The following SHTN1 variants were observed in gnomAD, a reference collection of about 807,000 sequenced individuals.
SHTN1 encodes shootin 1, also known as shootin-1.
A neutral mutation model predicts 83.1 loss-of-function variants in SHTN1; 42 were observed. That is an observed-to-expected ratio of 0.51 (90% CI 0.39 to 0.65). The LOEUF is 0.65. Among genes scored for constraint, SHTN1 ranks in the 30% least tolerant of loss-of-function variants. The probability of loss-of-function intolerance (pLI) is 0.00; values close to 1 mark genes in which losing one functional copy is unlikely to be tolerated. For synonymous variants in SHTN1, 224 were observed against 247.7 expected (o/e 0.90, Z 0.90); for missense variants, 622 against 737.8 (o/e 0.84, Z 1.82).
At chr10:116,918,808 G>A (rs1354447097) in intron 12 of SHTN1, among the ~76,000 whole-genome samples, 1 of 152,178 alleles carries the variant, frequency 6.6e-6, no homozygotes, top group Non-Finnish European at 1.5e-5. Flanking sequence ...GCACGGCGAA[G>A]TAAGAAAAGA....
chr10:117,114,843 G>A (rs374701872), intron 1 of SHTN1, among the ~76,000 whole-genome samples: 3 of 152,186 alleles, frequency 2.0e-5, no homozygotes, highest in Non-Finnish European at 2.9e-5. Flanking sequence ...TCTGCACACT[G>A]TAATTCTTCC....
At chr10:116,970,507 A>C (rs1850577761) in intron 2 of SHTN1, among the ~76,000 whole-genome samples, 1 of 152,178 alleles carries the variant, frequency 6.6e-6, no homozygotes, top group East Asian at 1.9e-4. Context: ...TGAGGTCAAG[A>C]GATCGAGACC....
chr10:117,072,859 G>A (rs1853103712), intron 1 of SHTN1, among the ~76,000 whole-genome samples: 1 of 152,010 alleles, frequency 6.6e-6, no homozygotes, highest in African/African-American at 2.4e-5. Context: ...AAACCAAGAA[G>A]AAATCCCTGA....
At chr10:116,900,356 G>T in intron 16 of SHTN1, 1 of 604,266 alleles carries the variant, frequency 1.7e-6, no homozygotes, top group Non-Finnish European at 2.9e-6. Context: ...TGCCTTTATG[G>T]CATCTAACAA....
chr10:116,982,928 A>T (rs1189609065), intron 1 of SHTN1, among the ~76,000 whole-genome samples: 2 of 151,676 alleles, frequency 1.3e-5, no homozygotes, highest in African/African-American at 4.9e-5. Flanking sequence ...ATACCACTGC[A>T]CTCCAGCCTG....
chr10:117,002,828 A>T lies in SHTN1; in HGVS notation c.58+2194T>A, dbSNP rs1331136937. Among the ~76,000 whole-genome samples, 3 of 152,238 alleles carry T rather than the reference A, an allele frequency of 2.0e-5. No individual in the cohort carries two copies. The East Asian group carries it at 5.8e-4, about 29-fold the overall frequency. ...CACTATCCCCAAAAGTGTACCTTTT[A>T]AGAAACACAACTTTGAATATCTAAC... On this transcript the variant is annotated intron_variant, in intron 1 of 16. Transcript: ENST00000355371.
Position 116,881,723 on chromosome 10 carries a change from G to A in SHTN1, c.*4621C>T. Reference sequence around the variant, plus strand: ...ACCATCAGTATTAGTAGACCGGGAGGTCTGAAGTACGGCGCCGTGTCTCCA... The same window carrying A: ...ACCATCAGTATTAGTAGACCGGGAGATCTGAAGTACGGCGCCGTGTCTCCA... On this transcript the variant is annotated 3_prime_UTR_variant, in exon 17 of 17. Transcript: ENST00000355371. The A allele has an allele frequency of 1.5e-6, 2 of 1,326,762 alleles. No homozygotes were observed. Among genetic ancestry groups the A allele is most frequent in the Non-Finnish European group, 9.8e-7 (1 of 1,025,098 alleles). The allele number at this position is 1,326,762 out of a possible 1,614,324, so 82.2% of individuals were successfully genotyped here.
At chr10:116,994,291 T>A (rs1851550263) in intron 1 of SHTN1, among the ~76,000 whole-genome samples, 1 of 152,068 alleles carries the variant, frequency 6.6e-6, no homozygotes, top group Admixed American at 6.5e-5. Context: ...GAAAACTAAA[T>A]GGATACAGAA....
chr10:116,886,889 T>C (rs1847181536), intron 16 of SHTN1, among the ~76,000 whole-genome samples: 1 of 152,208 alleles, frequency 6.6e-6, no homozygotes, highest in African/African-American at 2.4e-5. Flanking sequence ...AACTGTGAAC[T>C]TCTCACAGCC....
At chr10:117,090,537 A>C (rs1564956152) in intron 1 of SHTN1, among the ~76,000 whole-genome samples, 1 of 152,222 alleles carries the variant, frequency 6.6e-6, no homozygotes, top group Non-Finnish European at 1.5e-5. Flanking sequence ...AAAATGGTTA[A>C]GATGGTCAAT....
chr10:117,012,738 T>C (rs573999411), intron 2 of SHTN1, among the ~76,000 whole-genome samples: 61 of 152,266 alleles, frequency 4.0e-4, no homozygotes, highest in African/African-American at 1.1e-3. Flanking sequence ...AATAAAAGAA[T>C]TGATAAATTA....
At chr10:116,918,497 T>C (rs1237620113) in intron 12 of SHTN1, among the ~76,000 whole-genome samples, 1 of 152,188 alleles carries the variant, frequency 6.6e-6, no homozygotes, top group Non-Finnish European at 1.5e-5. Context: ...CACCATGATA[T>C]ACCATATTTC....
At chr10:116,996,007 G>A (rs548402525) in intron 1 of SHTN1, among the ~76,000 whole-genome samples, 14 of 152,132 alleles carry the variant, frequency 9.2e-5, no homozygotes, top group Non-Finnish European at 1.9e-4. Flanking sequence ...TCCTTATGAA[G>A]AGTTCCAGCA....
chr10:116,895,704 T>G (rs1847493855), intron 16 of SHTN1, among the ~76,000 whole-genome samples: 2 of 152,170 alleles, frequency 1.3e-5, no homozygotes, highest in African/African-American at 4.8e-5. Flanking sequence ...CTTAAGCTCT[T>G]AAGACACTAA....
intron 1 of SHTN1, among the ~76,000 whole-genome samples, chr10:116,999,852 G>A (rs372959972): frequency 2.6e-5 from 4 of 152,322 alleles, no homozygotes; most frequent in Admixed American, 1.3e-4. Context: ...GGCGGAGGTT[G>A]CAGTGAGCCG....
chr10:116,985,190 TATACTC>T lies in SHTN1; in HGVS notation c.59-5888_59-5883del, dbSNP rs544725679. On this transcript the variant is annotated intron_variant, in intron 1 of 16. Coordinates refer to ENST00000355371, the MANE Select transcript of SHTN1 (RefSeq NM_001127211.3). ...CTACCCGATTCACTGCTATATGTCTTATACTCATATGAATACCAGAGTCCATGCCTA... is the reference window on the plus strand; with the variant it reads ...CTACCCGATTCACTGCTATATGTCTTATATGAATACCAGAGTCCATGCCTA... 1.1e-4 allele frequency among the ~76,000 whole-genome samples: 17 copies of T among 152,350 alleles called. No homozygotes were observed. The East Asian group carries it at 1.2e-3, about 10-fold the overall frequency.
intron 2 of SHTN1, among the ~76,000 whole-genome samples, chr10:117,027,741 G>A (rs1415338686): frequency 6.6e-5 from 10 of 152,128 alleles, no homozygotes; most frequent in African/African-American, 1.4e-4. Context: ...CTTGTGATCC[G>A]CCTGTCTCAG....
At chr10:117,109,606 C>A (rs1853733239) in intron 1 of SHTN1, among the ~76,000 whole-genome samples, 2 of 85,054 alleles carry the variant, frequency 2.4e-5, no homozygotes, top group Admixed American at 2.0e-4. Context: ...GCTCTGTCAC[C>A]CAGGCTGGAG....
chr10:116,889,520 G>A lies in SHTN1; in HGVS notation c.1674-2954C>T, dbSNP rs868709398. 6.6e-4 allele frequency among the ~76,000 whole-genome samples: 101 copies of A among 152,250 alleles called. No individual in the cohort carries two copies. In the Middle Eastern group the frequency reaches 0.014, roughly 21 times the overall value. On this transcript the variant is annotated intron_variant, in intron 16 of 16. Coordinates refer to ENST00000355371, the MANE Select transcript of SHTN1 (RefSeq NM_001127211.3). The stretch of plus-strand genomic sequence containing the variant: ...CCACTGCCTTAGAATCCCAGTGGAA[G>A]GTGGAAAGGGACTAGGGCAATCGTC...
Sources: gnomAD v4.1 joint callset for allele counts (sites outside exome capture counted in the v4.1 genomes callset) on GRCh38, gnomAD v4.1.1 for gene constraint, MANE v1.5 for transcripts, NCBI Gene and HGNC (gene_info 2026-07-23, HGNC 2026-07-21) for gene names.